The following MRPL21 variants were observed in gnomAD, a reference collection of about 807,000 sequenced individuals.
MRPL21 encodes large ribosomal subunit protein bL21m.
A neutral mutation model predicts 27.3 loss-of-function variants in MRPL21; 20 were observed. The ratio of observed to expected loss-of-function variants is 0.73; its 90% CI spans 0.52 to 1.06. The LOEUF is 1.06. Among genes scored for constraint, MRPL21 ranks in the 50% least tolerant of loss-of-function variants. The probability of loss-of-function intolerance (pLI) is 0.00; values close to 1 mark genes in which losing one functional copy is unlikely to be tolerated. For synonymous variants in MRPL21, 98 were observed against 101.5 expected, an observed-to-expected ratio of 0.97 and a Z score of 0.21; for missense variants, 249 against 251.4, an observed-to-expected ratio of 0.99 and a Z score of 0.06.
chr11:68,903,786 T>A lies in MRPL21; in HGVS notation c.25A>T (p.Thr9Ser), dbSNP rs570879590. 2.5e-6 allele frequency: 4 copies of A among 1,608,306 alleles called. No homozygotes were observed. In the South Asian group the frequency reaches 4.4e-5, roughly 18 times the overall value. ...CACGCGGACGCCAGCCGCCCTAAGG[T>A]GACCGTCAGGGAAGATGCTGCCATG... MAASSLTV[T>S]LGRLASACSH... The change falls in exon 1 of 7, where the codon ACC (threonine) becomes TCC (serine). Residue 9 changes from threonine to serine, a missense_variant. By Grantham distance (58) the Thr-to-Ser change is moderately conservative. Transcript: ENST00000362034.
intron 3 of MRPL21, chr11:68,897,547 G>C (rs1857827353): frequency 1.8e-5 from 4 of 222,818 alleles, no homozygotes; most frequent in Admixed American, 1.1e-4. Flanking sequence ...GCTCCAGGTC[G>C]ACATGAGTCC....
At chr11:68,898,349 C>A (rs1459599124) in intron 2 of MRPL21, among the ~76,000 whole-genome samples, 1 of 152,206 alleles carries the variant, frequency 6.6e-6, no homozygotes, top group Non-Finnish European at 1.5e-5. Context: ...CTTGGAGGCA[C>A]AGGCTGCCTC....
chr11:68,901,308 C>T (rs1857929334), intron 1 of MRPL21, among the ~76,000 whole-genome samples: 1 of 152,152 alleles, frequency 6.6e-6, no homozygotes, highest in East Asian at 1.9e-4. Context: ...CTTCTGTGTT[C>T]CTGGCTCTCA....
chr11:68,894,359 C>T (rs1368605887), intron 4 of MRPL21, among the ~76,000 whole-genome samples: 1 of 152,202 alleles, frequency 6.6e-6, no homozygotes, highest in Non-Finnish European at 1.5e-5. Context: ...TGGCTTGCTG[C>T]AACCTCTGCC....
intron 5 of MRPL21, 198 bp from the exon 6 acceptor site, chr11:68,893,191 AC>A: frequency 1.5e-6 from 2 of 1,348,932 alleles, no homozygotes; most frequent in Non-Finnish European, 9.8e-7. Context: ...TCTTCAGAGG[AC>A]CACACTGTCA....
At chr11:68,897,675 G>A in intron 3 of MRPL21, 1 of 549,970 alleles carries the variant, frequency 1.8e-6, no homozygotes, top group Non-Finnish European at 3.2e-6. Context: ...AGACGAGATG[G>A]AGCAGGGGCC....
chr11:68,891,680 T>G, intron 6 of MRPL21: 1 of 551,814 alleles, frequency 1.8e-6, no homozygotes, highest in Non-Finnish European at 3.3e-6. Context: ...ACTTCTGGAG[T>G]GCGTGGGAGG....
At chr11:68,891,935 A>G (rs692898) in intron 6 of MRPL21, 346,302 of 582,564 alleles carry the variant, frequency 0.59, 103,760 homozygotes, top group South Asian at 0.67. Context: ...GATGCCCACT[A>G]TGGGGGATGT....
intron 1 of MRPL21, among the ~76,000 whole-genome samples, chr11:68,903,335 A>C (rs925639751): frequency 5.9e-5 from 9 of 152,158 alleles, no homozygotes; most frequent in Non-Finnish European, 1.2e-4. Flanking sequence ...GAGGATATCC[A>C]TCACCATTTT....
chr11:68,901,476 G>T (rs1288420641), intron 1 of MRPL21, among the ~76,000 whole-genome samples: 1 of 152,190 alleles, frequency 6.6e-6, no homozygotes, highest in Admixed American at 6.5e-5. Context: ...GGTGTAAAAA[G>T]CAGAGAACAG....
chr11:68,900,462 A>T, intron 2 of MRPL21, 86 bp downstream of exon 2: 1 of 1,205,100 alleles, frequency 8.3e-7, no homozygotes, highest in Non-Finnish European at 1.2e-6. Context: ...ATTATTGAGA[A>T]CCAAAAGGTA....
chr11:68,901,632 G>A (rs571767015), intron 1 of MRPL21, among the ~76,000 whole-genome samples: 5 of 152,084 alleles, frequency 3.3e-5, no homozygotes, highest in Non-Finnish European at 7.4e-5. Flanking sequence ...GGCATCCGGG[G>A]CTCAACCCTT....
chr11:68,897,884 C>A, intron 3 of MRPL21, 43 bp downstream of exon 3: 2 of 1,477,330 alleles, frequency 1.4e-6, no homozygotes, highest in South Asian at 1.1e-5. Flanking sequence ...GGAGCAGGGT[C>A]TAGGTGGTGC....
At position 68,903,759 on chromosome 11, in the gene MRPL21, T is replaced by G. The variant is rs1858044139; in HGVS notation, c.52A>C (p.Ser18Arg). ...VTLGRLASAC[S>R]HSILRPSGPG... ...CCCGAAGGTCTCAGGATGCTGTGGC[T>G]GCACGCGGACGCCAGCCGCCCTAAG... Residue 18 changes from serine to arginine, a missense_variant, in exon 1 of 7, where the codon AGC becomes CGC. Ser to Arg is a moderately radical substitution (Grantham distance 110, BLOSUM62 -1). Coordinates refer to ENST00000362034, the MANE Select transcript of MRPL21 (RefSeq NM_181514.2). 1 of 1,613,054 alleles carries G rather than the reference T, an allele frequency of 6.2e-7. No homozygotes were observed. Among genetic ancestry groups the G allele is most frequent in the African/African-American group, 1.3e-5 (1 of 74,956 alleles).
In MRPL21 at chr11:68,891,384, G is replaced by A. The variant is rs775093931; in HGVS notation, c.565C>T (p.Pro189Ser). ...NFKKKRIVTT[P>S]QTVLRINSIE... ...CTGTTTATCCGGAGGACAGTCTGCG[G>A]GGTCGTGACGACTGAAAGAAAGGAT... The change falls in exon 7 of 7, where the codon CCG (proline) becomes TCG (serine). Residue 189 changes from proline to serine, a missense_variant. By Grantham distance (74) the Pro-to-Ser change is moderately conservative. Coordinates refer to ENST00000362034, the MANE Select transcript of MRPL21 (RefSeq NM_181514.2). The A allele has an allele frequency of 6.2e-7, 1 of 1,614,028 alleles. No homozygotes were observed. The highest frequency in any genetic ancestry group is 8.5e-7 in the Non-Finnish European group (1 of 1,180,002).
In MRPL21 at chr11:68,900,963, T is replaced by G. The variant is rs620543; in HGVS notation, c.89-358A>C. The stretch of plus-strand genomic sequence containing the variant: ...CCCCGCCTCCTGCTATTCTTACCCC[T>G]GTTAGCCCCCTGGGAGTGGCCTGTG... On this transcript the variant is annotated intron_variant, in intron 1 of 6. Coordinates refer to ENST00000362034, the MANE Select transcript of MRPL21 (RefSeq NM_181514.2). Among the ~76,000 whole-genome samples the G allele has an allele frequency of 8.9e-3, 1,358 of 152,260 alleles. 25 individuals carry two copies. The highest frequency in any genetic ancestry group is 0.031 in the African/African-American group (1,284 of 41,560).
At chr11:68,899,395 C>T (rs1225257154) in intron 2 of MRPL21, among the ~76,000 whole-genome samples, 3 of 152,170 alleles carry the variant, frequency 2.0e-5, no homozygotes, top group Non-Finnish European at 4.4e-5. Flanking sequence ...AAGACCAGGC[C>T]CACCCGTCCT....
At position 68,892,912 on chromosome 11, in the gene MRPL21, C is replaced by T. The variant is rs1486952464; in HGVS notation, c.531G>A (p.Arg177=). 1 of 1,613,354 alleles carries T rather than the reference C, an allele frequency of 6.2e-7. No homozygotes were observed. The highest frequency in any genetic ancestry group is 2.2e-5 in the East Asian group (1 of 44,874). The change falls in exon 6 of 7, where the codon AGG becomes AGA. Residue 177 remains arginine, a synonymous_variant. Coordinates refer to ENST00000362034, the MANE Select transcript of MRPL21 (RefSeq NM_181514.2). The part of the protein sequence containing the change: ...WPRIIMRFRK[R]KNFKKKRIVT... ...TACTTCTTTTCTTCTTGAAGTTTTT[C>T]CTTTTCCTGAATCTCATAATGATTC...
At chr11:68,896,397 G>A in intron 4 of MRPL21, 118 bp downstream of exon 4, 1 of 1,315,378 alleles carries the variant, frequency 7.6e-7, no homozygotes. Context: ...CCTCAGCTTT[G>A]TTGGCCTCCA....
Sources: gnomAD v4.1 joint callset for allele counts (sites outside exome capture counted in the v4.1 genomes callset) on GRCh38, gnomAD v4.1.1 for gene constraint, MANE v1.5 for transcripts, NCBI Gene and HGNC (gene_info 2026-07-23, HGNC 2026-07-21) for gene names.